Variants in ZKSCAN1 observed in about 807,000 individuals in gnomAD.
ZKSCAN1 encodes the protein zinc finger with KRAB and SCAN domains 1, also known as zinc finger protein with KRAB and SCAN domains 1.
ZKSCAN1 carries 14 observed loss-of-function variants against 51.6 expected under a neutral mutation model. The observed-to-expected ratio is 0.27, with a 90% CI of 0.18 to 0.42. The LOEUF (loss-of-function observed/expected upper bound fraction) is 0.42, where lower values mean the gene tolerates loss of function less well. Among genes scored for constraint, ZKSCAN1 ranks in the 10% least tolerant of loss-of-function variants. The pLI is 1.00. For missense variants in ZKSCAN1, 531 were observed against 710.0 expected, an observed-to-expected ratio of 0.75 and a Z score of 2.86; for synonymous variants, 263 against 261.5, an observed-to-expected ratio of 1.01 and a Z score of -0.06.
rs1005245816 is a variant in ZKSCAN1, at chr7:100,039,726, C to T, written c.*5529C>T. The T allele has an allele frequency of 5.1e-6, 5 of 985,310 alleles. No individual in the cohort carries two copies. The African/African-American group carries it at 8.7e-5, about 17-fold the overall frequency. The allele number at this position is 985,310 out of a possible 1,614,324, so 61.0% of individuals were successfully genotyped here. A position where few individuals can be genotyped will look rare whatever the true frequency, so the allele number is the denominator to read the frequency against. On this transcript the variant is annotated 3_prime_UTR_variant, in exon 6 of 6. Coordinates refer to ENST00000324306, the MANE Select transcript of ZKSCAN1 (RefSeq NM_003439.4). The stretch of plus-strand genomic sequence containing the variant: ...ATACACTTAAACAGTGACAGCAGTA[C>T]TTCCCAGGGTGGGGGCCATATTTCT...
Position 100,039,457 on chromosome 7 carries a change from T to C in ZKSCAN1, c.*5260T>C. 1.0e-6 allele frequency: 1 copy of C among 985,476 alleles called. No individual in the cohort carries two copies. The highest frequency in any genetic ancestry group is 1.2e-6 in the Non-Finnish European group (1 of 829,938). The allele number at this position is 985,476 out of a possible 1,614,324, so 61.0% of individuals were successfully genotyped here. On this transcript the variant is annotated 3_prime_UTR_variant, in exon 6 of 6. Coordinates refer to ENST00000324306, the MANE Select transcript of ZKSCAN1 (RefSeq NM_003439.4). ...GAAGCTCGGGAAGCATTTTGCAATA[T>C]TCCCTTTGGCTGTGTTCCTGTGTTC...
Position 100,024,169 on chromosome 7 carries a change from C to A in ZKSCAN1, c.442C>A (p.His148Asn). 2 of 1,612,828 alleles carry A rather than the reference C, an allele frequency of 1.2e-6. No homozygotes were observed. Among genetic ancestry groups the A allele is most frequent in the African/African-American group, 1.3e-5 (1 of 74,988 alleles). The change falls in exon 3 of 6, where the codon CAT (histidine) becomes AAT (asparagine). Residue 148 changes from histidine (H) to asparagine (N), a missense_variant. His to Asn is a moderately conservative substitution (Grantham distance 68, BLOSUM62 1). Coordinates refer to ENST00000324306, the MANE Select transcript of ZKSCAN1 (RefSeq NM_003439.4). Reference protein sequence around the residue: ...LSGQQVPGQVHGPEMLARGMV... With the variant: ...LSGQQVPGQVNGPEMLARGMV... ...CTGTCTTCAGGTCCCAGGTCAAGTT[C>A]ATGGACCTGAGATGCTCGCAAGGGG...
intron 3 of ZKSCAN1, among the ~76,000 whole-genome samples, chr7:100,027,125 C>T (rs769468713): frequency 9.9e-5 from 15 of 151,940 alleles, no homozygotes; most frequent in Non-Finnish European, 2.1e-4. Context: ...GGCGAAACGC[C>T]GTCTGTACTA....
Position 100,024,280 on chromosome 7 carries a change from C to T in ZKSCAN1, c.553C>T (p.Arg185Trp), listed in dbSNP as rs1390026877. Residue 185 changes from arginine (R) to tryptophan (W), a missense_variant, in exon 3 of 6, where the codon CGG becomes TGG. This residue lies in a region of ZKSCAN1 where 403 missense variants were observed against 490.5 expected (regional missense o/e 0.82). Coordinates refer to ENST00000324306, the MANE Select transcript of ZKSCAN1 (RefSeq NM_003439.4). ...CCAGTCCCACTTCAAACATTCGTCT[C>T]GGAAACCCCGCCTCTTACAGTCACG... is the stretch of plus-strand genomic sequence containing the variant. ...ATQSHFKHSS[R>W]KPRLLQSRAL... 10 of 1,613,876 alleles carry T rather than the reference C, an allele frequency of 6.2e-6. No homozygotes were observed. The highest frequency in any genetic ancestry group is 2.2e-5 in the South Asian group (2 of 91,060).
At chr7:100,043,051 A>C (rs1408121992), downstream of ZKSCAN1, among the ~76,000 whole-genome samples, 2 of 151,610 alleles carry the variant, frequency 1.3e-5, no homozygotes, top group Admixed American at 1.3e-4. Context: ...CTGCCTGCCT[A>C]GGCCTCCCAA....
intron 5 of ZKSCAN1, among the ~76,000 whole-genome samples, chr7:100,031,486 T>C (rs1448342540): frequency 6.6e-6 from 1 of 152,016 alleles, no homozygotes; most frequent in Non-Finnish European, 1.5e-5. Context: ...CCATGTTGCC[T>C]AGGCTGGTCT....
chr7:100,018,162 G>T (rs1320545995), intron 1 of ZKSCAN1, among the ~76,000 whole-genome samples: 1 of 152,168 alleles, frequency 6.6e-6, no homozygotes, highest in African/African-American at 2.4e-5. Context: ...GGGTGGAGCA[G>T]CTTTAATGCT....
intron 3 of ZKSCAN1, among the ~76,000 whole-genome samples, chr7:100,026,761 A>G (rs1790854733): frequency 2.6e-5 from 4 of 151,932 alleles, no homozygotes; most frequent in Admixed American, 2.6e-4. Flanking sequence ...CAAATAATAA[A>G]TTAGCTTACT....
At chr7:100,027,174 G>T (rs1367021810) in intron 3 of ZKSCAN1, among the ~76,000 whole-genome samples, 2 of 151,988 alleles carry the variant, frequency 1.3e-5, no homozygotes, top group African/African-American at 4.8e-5. Context: ...GTGTACACCT[G>T]TAATCGCAGC....
chr7:100,022,986 T>G (rs181019804), intron 1 of ZKSCAN1, among the ~76,000 whole-genome samples: 2 of 152,216 alleles, frequency 1.3e-5, no homozygotes, highest in East Asian at 3.9e-4. Flanking sequence ...CAGTGGAGAT[T>G]GTACAGTTTT....
Position 100,038,500 on chromosome 7 carries a change from C to T in ZKSCAN1, c.*4303C>T. The T allele has an allele frequency of 1.0e-6, 1 of 985,384 alleles. No homozygotes were observed. The highest frequency in any genetic ancestry group is 1.2e-6 in the Non-Finnish European group (1 of 829,932). 61.0% of individuals were successfully genotyped at this position (985,384 alleles called of 1,614,324 possible). On this transcript the variant is annotated 3_prime_UTR_variant, in exon 6 of 6. Coordinates refer to ENST00000324306, the MANE Select transcript of ZKSCAN1 (RefSeq NM_003439.4). ...ACGTGCAGCCTTTTGAATTTTTCCTCAAAACCAAGAAGTTGACCTCTGAGC... is the reference window on the plus strand; with the variant it reads ...ACGTGCAGCCTTTTGAATTTTTCCTTAAAACCAAGAAGTTGACCTCTGAGC...
Position 100,033,980 on chromosome 7 carries a change from G to A in ZKSCAN1, c.1475G>A (p.Ser492Asn), listed in dbSNP as rs755272887. 7.4e-6 allele frequency: 12 copies of A among 1,614,054 alleles called. No homozygotes were observed. The highest frequency in any genetic ancestry group is 1.0e-5 in the Non-Finnish European group (12 of 1,180,038). ...IHTGEKPYEC[S>N]ECGKAFNRNS... ...ACGGGGGAGAAACCCTATGAATGTA[G>A]TGAATGTGGAAAAGCTTTCAACCGA... Residue 492 changes from serine (S) to asparagine (N), a missense_variant, in exon 6 of 6, where the codon AGT (serine) becomes AAT (asparagine). Ser to Asn is a conservative substitution (Grantham distance 46). Coordinates refer to ENST00000324306, the MANE Select transcript of ZKSCAN1 (RefSeq NM_003439.4). This position sits in a 1 kb window ranked among gnomAD's most constrained non-coding sequence, Gnocchi z 4.1.
chr7:100,042,289 A>G (rs545333971), downstream of ZKSCAN1, among the ~76,000 whole-genome samples: 1 of 148,514 alleles, frequency 6.7e-6, no homozygotes, highest in Non-Finnish European at 1.5e-5. Context: ...ACTGCACTCC[A>G]GCTTGGGCAA....
intron 3 of ZKSCAN1, among the ~76,000 whole-genome samples, chr7:100,026,129 A>C (rs1180915793): frequency 6.7e-6 from 1 of 149,326 alleles, no homozygotes; most frequent in Non-Finnish European, 1.5e-5. Context: ...CTGAGGCAGG[A>C]GAATTGCTTG....
chr7:100,044,680 CAAA>C (rs59706759), downstream of ZKSCAN1: 13,398 of 411,284 alleles, frequency 0.033, 10 homozygotes, highest in Middle Eastern at 0.057. Flanking sequence ...GACTCTATCT[CAAA>C]AAAAAAAAAA....
At chr7:100,043,330 G>C (rs1791646388), downstream of ZKSCAN1, among the ~76,000 whole-genome samples, 1 of 151,692 alleles carries the variant, frequency 6.6e-6, no homozygotes, top group Admixed American at 6.6e-5. Flanking sequence ...GCCTCCCAAA[G>C]TGCTGGGATT....
Position 100,033,316 on chromosome 7 carries a change from A to C in ZKSCAN1, c.811A>C (p.Arg271=). The change falls in exon 6 of 6, where the codon AGG becomes CGG. Residue 271 remains arginine, a synonymous_variant. Coordinates refer to ENST00000324306, the MANE Select transcript of ZKSCAN1 (RefSeq NM_003439.4). The surrounding 1 kb of genome is among the most constrained non-coding windows in gnomAD (Gnocchi z 4.1). The stretch of plus-strand genomic sequence containing the variant: ...ATTTATTATGTCAGGTGGTGAAAAC[A>C]GGAATGAGAACGAGGAGTCAACCTC... ...GSAFPQGGEN[R]NENEESTSKA... 1.2e-6 allele frequency: 2 copies of C among 1,600,258 alleles called. No homozygotes were observed. Among genetic ancestry groups the C allele is most frequent in the Non-Finnish European group, 1.7e-6 (2 of 1,175,506 alleles).
chr7:100,024,541 C>T, intron 3 of ZKSCAN1: 1 of 505,608 alleles, frequency 2.0e-6, no homozygotes, highest in Non-Finnish European at 3.5e-6. Flanking sequence ...CTGCAGTGAG[C>T]TGTAATCATG....
chr7:100,025,644 A>G (rs1411373155), intron 3 of ZKSCAN1, among the ~76,000 whole-genome samples: 1 of 152,230 alleles, frequency 6.6e-6, no homozygotes, highest in Admixed American at 6.6e-5. Context: ...ATCATAAAGT[A>G]TACTTATACA....
Sources: gnomAD v4.1 joint callset for allele counts (sites outside exome capture counted in the v4.1 genomes callset) on GRCh38, gnomAD v4.1.1 for gene constraint, gnomAD v4.1.1 regional missense constraint, Gnocchi (gnomAD v3.1) non-coding constraint, MANE v1.5 for transcripts, NCBI Gene and HGNC (gene_info 2026-07-23, HGNC 2026-07-21) for gene names.